The following GABBR2 variants were observed in gnomAD, a reference collection of about 807,000 sequenced individuals.
GABBR2 encodes the protein G-protein coupled receptor 51.
GABBR2 carries 23 observed loss-of-function variants against 105.6 expected under a neutral mutation model. The observed-to-expected ratio is 0.22, with a 90% CI of 0.16 to 0.31. GABBR2 has a LOEUF of 0.31. Ranked by LOEUF, GABBR2 falls within the 10% of genes least tolerant of loss-of-function variation. The pLI is 1.00. For synonymous variants in GABBR2, 478 were observed against 499.7 expected (o/e 0.96, Z 0.58); for missense variants, 734 against 1,245.5 (o/e 0.59, Z 6.18).
intron 13 of GABBR2, among the ~76,000 whole-genome samples, chr9:98,356,578 T>C (rs540803024): frequency 5.9e-5 from 9 of 152,344 alleles, no homozygotes; most frequent in African/African-American, 1.9e-4. Context: ...CAAAACGGTA[T>C]AGTCACTTTG....
chr9:98,495,182 C>T (rs892364934), intron 4 of GABBR2, among the ~76,000 whole-genome samples: 2 of 152,224 alleles, frequency 1.3e-5, no homozygotes, highest in Non-Finnish European at 2.9e-5. Context: ...TGAAATGTGA[C>T]CCGCAGGCTC....
intron 2 of GABBR2, among the ~76,000 whole-genome samples, chr9:98,561,235 A>G (rs1003801104): frequency 6.6e-6 from 1 of 152,042 alleles, no homozygotes; most frequent in Non-Finnish European, 1.5e-5. Flanking sequence ...ATCTCCTCAT[A>G]GATTACAGTT....
chr9:98,302,162 G>A (rs1300830016), intron 16 of GABBR2, among the ~76,000 whole-genome samples: 1 of 152,146 alleles, frequency 6.6e-6, no homozygotes, highest in Non-Finnish European at 1.5e-5. Flanking sequence ...CAGCTGTCCA[G>A]CTAGAGACGA....
chr9:98,617,051 T>C (rs1485670230), intron 1 of GABBR2, among the ~76,000 whole-genome samples: 3 of 152,220 alleles, frequency 2.0e-5, no homozygotes, highest in African/African-American at 7.2e-5. Flanking sequence ...CTCTCCTCCA[T>C]TCACATTCTG....
At chr9:98,300,396 T>G (rs1830450133) in intron 16 of GABBR2, among the ~76,000 whole-genome samples, 1 of 152,164 alleles carries the variant, frequency 6.6e-6, no homozygotes, top group Admixed American at 6.5e-5. Flanking sequence ...CCTCCCACTT[T>G]GTCCTCCCAA....
chr9:98,629,932 C>G (rs1230884569), intron 1 of GABBR2, among the ~76,000 whole-genome samples: 1 of 152,152 alleles, frequency 6.6e-6, no homozygotes, highest in African/African-American at 2.4e-5. Context: ...AAAACATTTT[C>G]TCCAATCTAC....
At chr9:98,375,494 C>T (rs1564037754) in intron 11 of GABBR2, among the ~76,000 whole-genome samples, 1 of 152,208 alleles carries the variant, frequency 6.6e-6, no homozygotes, top group Non-Finnish European at 1.5e-5. Context: ...CTTTGCCCAC[C>T]TTTAAATCTC....
chr9:98,442,008 T>G (rs1019451392), intron 7 of GABBR2, among the ~76,000 whole-genome samples: 26 of 152,248 alleles, frequency 1.7e-4, no homozygotes, highest in African/African-American at 6.0e-4. Flanking sequence ...GATTTCTCTT[T>G]GGTGCGTGCC....
rs190455504 is a variant in GABBR2, at chr9:98,439,064, C to T, written c.1236+14917G>A. Among the ~76,000 whole-genome samples, 67 of 152,168 alleles carry T rather than the reference C, an allele frequency of 4.4e-4. 2 individuals carry two copies. The East Asian group carries it at 9.8e-3, about 22-fold the overall frequency. On this transcript the variant is annotated intron_variant, in intron 7 of 18. Coordinates refer to ENST00000259455, the MANE Select transcript of GABBR2 (RefSeq NM_005458.8). ...CCTCATGGTTTTCACAATATCTACC[C>T]GCCATCTGTGCTTTCCTTTACTAAA...
chr9:98,475,724 T>C (rs1826777012), intron 5 of GABBR2, among the ~76,000 whole-genome samples: 1 of 152,186 alleles, frequency 6.6e-6, no homozygotes, highest in East Asian at 1.9e-4. Context: ...TTCTCAATCT[T>C]ATAAGGTTGT....
At chr9:98,567,102 C>T (rs1052890947) in intron 2 of GABBR2, among the ~76,000 whole-genome samples, 2 of 152,264 alleles carry the variant, frequency 1.3e-5, no homozygotes, top group East Asian at 1.9e-4. Context: ...CCGTAAGTAG[C>T]GCGAGTGATT....
intron 13 of GABBR2, among the ~76,000 whole-genome samples, chr9:98,352,182 G>C (rs1420994317): frequency 1.3e-5 from 2 of 152,262 alleles, no homozygotes; most frequent in African/African-American, 4.8e-5. Flanking sequence ...AAGGACACCA[G>C]GCAAGCTGGT....
chr9:98,612,113 C>T (rs942505655), intron 1 of GABBR2, among the ~76,000 whole-genome samples: 24 of 152,338 alleles, frequency 1.6e-4, no homozygotes, highest in African/African-American at 5.0e-4. Context: ...TTATATCCCA[C>T]GAGTCTTGGC....
intron 3 of GABBR2, among the ~76,000 whole-genome samples, chr9:98,508,986 G>T (rs560048119): frequency 1.4e-3 from 218 of 152,338 alleles, no homozygotes; most frequent in African/African-American, 4.8e-3. Context: ...GTGGGTCCCT[G>T]ACTCCCGAGT....
chr9:98,453,577 CA>C (rs1441269421), intron 7 of GABBR2, among the ~76,000 whole-genome samples: 1 of 152,106 alleles, frequency 6.6e-6, no homozygotes, highest in Non-Finnish European at 1.5e-5. Context: ...TATTCAATGA[CA>C]AAAAAACTTT....
chr9:98,299,231 C>T lies in GABBR2; in HGVS notation c.2535G>A (p.Glu845=), dbSNP rs1157452982. The change falls in exon 17 of 19, where the codon GAG becomes GAA. Residue 845 remains glutamate, a synonymous_variant. Coordinates refer to ENST00000259455, the MANE Select transcript of GABBR2 (RefSeq NM_005458.8). ...NDILNLGNFT[E]STDGGKAILK... Reference sequence around the variant, plus strand: ...GGGCCCTGGCTCTCTTACCTGTGCTCTCAGTGAAGTTTCCCAGGTTGAGGA... The same window carrying T: ...GGGCCCTGGCTCTCTTACCTGTGCTTTCAGTGAAGTTTCCCAGGTTGAGGA... 1.2e-6 allele frequency: 2 copies of T among 1,613,966 alleles called. No individual in the cohort carries two copies. The highest frequency in any genetic ancestry group is 1.3e-5 in the African/African-American group (1 of 75,048).
intron 3 of GABBR2, among the ~76,000 whole-genome samples, chr9:98,529,479 G>A (rs1336879454): frequency 1.1e-4 from 16 of 152,128 alleles, no homozygotes; most frequent in Admixed American, 1.0e-3. Flanking sequence ...TATGTGCATT[G>A]AAAAAATGGT....
chr9:98,632,413 C>T (rs1272666273), intron 1 of GABBR2, among the ~76,000 whole-genome samples: 1 of 152,176 alleles, frequency 6.6e-6, no homozygotes, highest in Non-Finnish European at 1.5e-5. Context: ...TAAAACATGG[C>T]ACCAAAACTC....
chr9:98,299,451 C>G lies in GABBR2; in HGVS notation c.2413-98G>C. 3.7e-6 allele frequency: 5 copies of G among 1,349,522 alleles called. No individual in the cohort carries two copies. In the Admixed American group the frequency reaches 9.3e-5, roughly 25 times the overall value. 83.6% of individuals were successfully genotyped at this position (1,349,522 alleles called of 1,614,324 possible). ...GTAGCTCACAGGGCTGGGCCTTTAC[C>G]TGTATTCAGGAGTGCCCTGAGAATC... On this transcript the variant is annotated intron_variant, in intron 16 of 18. Coordinates refer to ENST00000259455, the MANE Select transcript of GABBR2 (RefSeq NM_005458.8).
Sources: gnomAD v4.1 joint callset for allele counts (sites outside exome capture counted in the v4.1 genomes callset) on GRCh38, gnomAD v4.1.1 for gene constraint, MANE v1.5 for transcripts, NCBI Gene and HGNC (gene_info 2026-07-23, HGNC 2026-07-21) for gene names.